The following DPP10 variants were observed in gnomAD, a reference collection of about 807,000 sequenced individuals.
The protein encoded by DPP10 is dipeptidyl peptidase like 10, also known as inactive dipeptidyl peptidase 10.
Under a neutral mutation model 120.9 loss-of-function variants are expected in DPP10, and 33 were observed. The ratio of observed to expected loss-of-function variants is 0.27; its 90% CI spans 0.21 to 0.37. DPP10 has a LOEUF of 0.37. Among genes scored for constraint, DPP10 ranks in the 10% least tolerant of loss-of-function variants. The probability of loss-of-function intolerance (pLI) is 1.00; values close to 1 mark genes in which losing one functional copy is unlikely to be tolerated. For missense variants in DPP10, 816 were observed against 942.8 expected, an observed-to-expected ratio of 0.87 and a Z score of 1.76; for synonymous variants, 337 against 326.1, an observed-to-expected ratio of 1.03 and a Z score of -0.36.
At chr2:115,631,248 TCTTTAGGGTCTGTGGTGATATCCC>T (rs2085847075) in intron 5 of DPP10, among the ~76,000 whole-genome samples, 1 of 152,122 alleles carries the variant, frequency 6.6e-6, no homozygotes, top group Admixed American at 6.6e-5. Flanking sequence ...TGTTTGTATT[TCTTTAGGGTCTGTGGTGATATCCC>T]CTTTATCATT....
chr2:114,523,284 C>G (rs996173710), intron 1 of DPP10, among the ~76,000 whole-genome samples: 1 of 152,162 alleles, frequency 6.6e-6, no homozygotes, highest in Non-Finnish European at 1.5e-5. Context: ...TCATTGACTG[C>G]AGGCTGTTCA....
intron 8 of DPP10, 122 bp from the exon 9 acceptor site, chr2:115,739,617 A>G: frequency 9.5e-7 from 1 of 1,052,880 alleles, no homozygotes. Flanking sequence ...AGGGAAGTTA[A>G]TAAAATTCAA....
intron 7 of DPP10, among the ~76,000 whole-genome samples, chr2:115,726,150 C>A (rs933834172): frequency 6.6e-6 from 1 of 152,162 alleles, no homozygotes; most frequent in African/African-American, 2.4e-5. Context: ...TGCCTTCCTA[C>A]TATTAATACT....
At chr2:114,799,144 TA>T (rs1211406718) in intron 1 of DPP10, among the ~76,000 whole-genome samples, 3 of 152,062 alleles carry the variant, frequency 2.0e-5, no homozygotes, top group Non-Finnish European at 4.4e-5. Context: ...GAAAAAAAAT[TA>T]AAAAGTTTAT....
intron 1 of DPP10, among the ~76,000 whole-genome samples, chr2:114,466,005 C>G (rs937604973): frequency 6.6e-6 from 1 of 152,148 alleles, no homozygotes; most frequent in Non-Finnish European, 1.5e-5. Flanking sequence ...CCACCCCTAC[C>G]TGCCTCTGGA....
At chr2:114,997,486 G>A (rs189011705) in intron 1 of DPP10, among the ~76,000 whole-genome samples, 113 of 120,894 alleles carry the variant, frequency 9.3e-4, no homozygotes, top group African/African-American at 2.7e-3. Context: ...GCGAGACTCC[G>A]TCTCAAAAAA....
chr2:115,357,717 G>A (rs1215771308), intron 3 of DPP10, among the ~76,000 whole-genome samples: 1 of 152,186 alleles, frequency 6.6e-6, no homozygotes, highest in Non-Finnish European at 1.5e-5. Context: ...TATCCTAGCA[G>A]AGGTTCTCTA....
chr2:115,498,498 C>T (rs1435227226), intron 3 of DPP10, among the ~76,000 whole-genome samples: 1 of 151,846 alleles, frequency 6.6e-6, no homozygotes, highest in Non-Finnish European at 1.5e-5. Flanking sequence ...AACTTATACA[C>T]ATTCATTCAC....
At chr2:115,399,433 A>T (rs2067906776) in intron 3 of DPP10, among the ~76,000 whole-genome samples, 1 of 152,136 alleles carries the variant, frequency 6.6e-6, no homozygotes, top group African/African-American at 2.4e-5. Context: ...TTATTTATCT[A>T]AACTATTTGA....
chr2:114,681,313 A>T (rs1699011162), intron 1 of DPP10, among the ~76,000 whole-genome samples: 1 of 151,956 alleles, frequency 6.6e-6, no homozygotes, highest in African/African-American at 2.4e-5. Context: ...TTCTTCTACT[A>T]CCAAGAGTCT....
chr2:114,871,167 G>T (rs761128837), intron 1 of DPP10, among the ~76,000 whole-genome samples: 5 of 95,550 alleles, frequency 5.2e-5, no homozygotes, highest in African/African-American at 9.9e-5. Flanking sequence ...TAATGACCTT[G>T]CCCCACCCAG....
At chr2:115,187,431 T>G (rs2054545491) in intron 1 of DPP10, among the ~76,000 whole-genome samples, 1 of 152,184 alleles carries the variant, frequency 6.6e-6, no homozygotes. Context: ...TTTATGGACA[T>G]TTTTCATACA....
chr2:114,594,402 T>A (rs1691721111), intron 1 of DPP10, among the ~76,000 whole-genome samples: 1 of 149,230 alleles, frequency 6.7e-6, no homozygotes, highest in Non-Finnish European at 1.5e-5. Context: ...ATAAACTCCC[T>A]TTTACATATA....
intron 1 of DPP10, among the ~76,000 whole-genome samples, chr2:114,744,612 C>T (rs1678389816): frequency 6.6e-6 from 1 of 152,138 alleles, no homozygotes; most frequent in African/African-American, 2.4e-5. Context: ...AGAATGCAGG[C>T]TACAAAATGG....
chr2:114,450,953 T>G (rs1678238369), intron 1 of DPP10, among the ~76,000 whole-genome samples: 1 of 152,130 alleles, frequency 6.6e-6, no homozygotes. Context: ...GATGAATCAT[T>G]GCTGACGGAC....
intron 1 of DPP10, among the ~76,000 whole-genome samples, chr2:115,274,860 C>T (rs539675019): frequency 6.3e-4 from 96 of 152,202 alleles, no homozygotes; most frequent in African/African-American, 2.0e-3. Flanking sequence ...TCTCGTTAAG[C>T]GTAATATTAT....
chr2:115,612,589 G>A (rs1168224352), intron 5 of DPP10, among the ~76,000 whole-genome samples: 4 of 152,150 alleles, frequency 2.6e-5, no homozygotes, highest in African/African-American at 9.7e-5. Flanking sequence ...CTGCCAAAAT[G>A]TAATAAATGA....
At chr2:114,591,507 C>T (rs1691456201) in intron 1 of DPP10, among the ~76,000 whole-genome samples, 1 of 151,844 alleles carries the variant, frequency 6.6e-6, no homozygotes, top group South Asian at 2.1e-4. Context: ...GTTTTTCCAC[C>T]CAGCCATCCA....
chr2:115,831,551 G>C (rs7562125), intron 21 of DPP10, among the ~76,000 whole-genome samples: 1 of 152,154 alleles, frequency 6.6e-6, no homozygotes, highest in African/African-American at 2.4e-5. Flanking sequence ...ATAACCTCTT[G>C]TAAAATCCCA....
Sources: gnomAD v4.1 joint callset for allele counts (sites outside exome capture counted in the v4.1 genomes callset) on GRCh38, gnomAD v4.1.1 for gene constraint, MANE v1.5 for transcripts, NCBI Gene and HGNC (gene_info 2026-07-23, HGNC 2026-07-21) for gene names.